Variants in SSTR4 observed in about 807,000 individuals in gnomAD.
The protein encoded by SSTR4 is somatostatin receptor type 4.
For synonymous variants in SSTR4, 272 were observed against 246.3 expected (o/e 1.10, Z -0.98); for missense variants, 649 against 540.6 (o/e 1.20, Z -1.99).
In SSTR4 at chr20:23,036,676, G is replaced by A. The variant is rs558670863; in HGVS notation, c.*26G>A. The A allele has an allele frequency of 3.1e-4, 472 of 1,524,004 alleles. 3 individuals are homozygous for A. In the South Asian group the frequency reaches 5.1e-3, roughly 16 times the overall value. 94.4% of individuals were successfully genotyped at this position (1,524,004 alleles called of 1,614,324 possible). A position where few individuals can be genotyped will look rare whatever the true frequency, so the allele number is the denominator to read the frequency against. ...GGAGCCCTTCCCCTACCCACCCTGC[G>A]TGGCCACCTCCCAAGGGGTGGGCAC... On this transcript the variant is annotated 3_prime_UTR_variant, in exon 1 of 1. Transcript: ENST00000255008.
Position 23,036,555 on chromosome 20 carries a change from G to A in SSTR4, c.1072G>A (p.Gly358Arg). The A allele has an allele frequency of 6.2e-7, 1 of 1,611,548 alleles. No individual in the cohort carries two copies. The highest frequency in any genetic ancestry group is 8.5e-7 in the Non-Finnish European group (1 of 1,179,076). Residue 358 changes from glycine (G) to arginine (R), a missense_variant, in exon 1 of 1, where the codon GGG (glycine) becomes AGG (arginine). By Grantham distance (125) the Gly-to-Arg change is moderately radical. Coordinates refer to ENST00000255008, the MANE Select transcript of SSTR4 (RefSeq NM_001052.4). ...TGCTCTCAAGAGCAAAGGTGGGGCA[G>A]GGTGCATGTGCCCCCCACTCCCCTG... ...ATALKSKGGA[G>R]CMCPPLPCQQ...
chr20:23,036,411 C>A lies in SSTR4; in HGVS notation c.928C>A (p.Leu310Ile), dbSNP rs1984325774. The change falls in exon 1 of 1, where the codon CTC (leucine) becomes ATC (isoleucine). Residue 310 changes from leucine (L) to isoleucine (I), a missense_variant. Physicochemically the swap from Leu to Ile is conservative, Grantham distance 5. Coordinates refer to ENST00000255008, the MANE Select transcript of SSTR4 (RefSeq NM_001052.4). ...SYANSCANPI[L>I]YGFLSDNFRR... Reference sequence around the variant, plus strand: ...TGCCAACAGCTGCGCCAACCCCATTCTCTATGGCTTCCTCTCCGACAACTT... The same window carrying A: ...TGCCAACAGCTGCGCCAACCCCATTATCTATGGCTTCCTCTCCGACAACTT... The A allele has an allele frequency of 6.2e-7, 1 of 1,613,988 alleles. No homozygotes were observed. Among genetic ancestry groups the A allele is most frequent in the African/African-American group, 1.3e-5 (1 of 74,932 alleles).
rs1600405238 is a variant in SSTR4 at position 23,036,896 on chromosome 20, C to A, written c.*246C>A. The A allele has an allele frequency of 2.2e-6, 1 of 457,294 alleles. No homozygotes were observed. Among genetic ancestry groups the A allele is most frequent in the African/African-American group, 2.0e-5 (1 of 50,586 alleles). 28.3% of individuals were successfully genotyped at this position (457,294 alleles called of 1,614,324 possible). ...CTGGAAACTGGGCTAGGATATTAAT[C>A]ATTCCTGAACCTCTGGCTGTTCTTC... On this transcript the variant is annotated 3_prime_UTR_variant, in exon 1 of 1. Coordinates refer to ENST00000255008, the MANE Select transcript of SSTR4 (RefSeq NM_001052.4).
chr20:23,036,117 G>C lies in SSTR4; in HGVS notation c.634G>C (p.Val212Leu). Residue 212 changes from valine to leucine, a missense_variant, in exon 1 of 1, where the codon GTG becomes CTG. Transcript: ENST00000255008. The stretch of plus-strand genomic sequence containing the variant: ...ACACCCGGCCTGGTCGGCAGTCTTC[G>C]TGGTCTACACTTTCCTGCTGGGCTT... ...WPHPAWSAVF[V>L]VYTFLLGFLL... 2 of 1,603,730 alleles carry C rather than the reference G, an allele frequency of 1.2e-6. No individual in the cohort carries two copies. Among genetic ancestry groups the C allele is most frequent in the Middle Eastern group, 1.7e-4 (1 of 6,058 alleles).
chr20:23,036,571 C>T lies in SSTR4; in HGVS notation c.1088C>T (p.Pro363Leu), dbSNP rs768040949. ...GGTGGGGCAGGGTGCATGTGCCCCC[C>T]ACTCCCCTGCCAGCAGGAAGCCCTG... ...SKGGAGCMCPPLPCQQEALQP... is the reference protein window; with the variant it reads ...SKGGAGCMCPLLPCQQEALQP... The change falls in exon 1 of 1, where the codon CCA (proline) becomes CTA (leucine). Residue 363 changes from proline (P) to leucine (L), a missense_variant. Coordinates refer to ENST00000255008, the MANE Select transcript of SSTR4 (RefSeq NM_001052.4). The T allele has an allele frequency of 1.0e-5, 16 of 1,605,466 alleles. No homozygotes were observed. The highest frequency in any genetic ancestry group is 1.3e-5 in the Non-Finnish European group (15 of 1,176,194).
Position 23,035,684 on chromosome 20 carries a change from G to C in SSTR4, c.201G>C (p.Leu67=). 3 of 1,551,574 alleles carry C rather than the reference G, an allele frequency of 1.9e-6. No homozygotes were observed. The highest frequency in any genetic ancestry group is 2.6e-6 in the Non-Finnish European group (3 of 1,149,446). The part of the protein sequence containing the change: ...VCLVGLVGNA[L]VIFVILRYAK... ...TGGTGGGGCTGGTGGGCAACGCCCTGGTCATCTTCGTGATCCTTCGCTACG... is the reference window on the plus strand; with the variant it reads ...TGGTGGGGCTGGTGGGCAACGCCCTCGTCATCTTCGTGATCCTTCGCTACG... The change falls in exon 1 of 1, where the codon CTG becomes CTC. Residue 67 remains leucine (L), a synonymous_variant. Coordinates refer to ENST00000255008, the MANE Select transcript of SSTR4 (RefSeq NM_001052.4).
In SSTR4 at chr20:23,035,505, C is replaced by G. The variant is rs760675794; in HGVS notation, c.22C>G (p.Pro8Ala). 7 of 1,555,786 alleles carry G rather than the reference C, an allele frequency of 4.5e-6. No homozygotes were observed. Among genetic ancestry groups the G allele is most frequent in the Non-Finnish European group, 6.0e-6 (7 of 1,157,500 alleles). MSAPSTLPPGGEEGLGTA... is the reference protein window; with the variant it reads MSAPSTLAPGGEEGLGTA... ...GGTCATGAGCGCCCCCTCGACGCTG[C>G]CCCCCGGGGGCGAGGAAGGGCTGGG... The change falls in exon 1 of 1, where the codon CCC becomes GCC. Residue 8 changes from proline (P) to alanine (A), a missense_variant. Coordinates refer to ENST00000255008, the MANE Select transcript of SSTR4 (RefSeq NM_001052.4).
Position 23,035,375 on chromosome 20 carries a change from A to T in SSTR4, c.-109A>T, listed in dbSNP as rs1169765313. On this transcript the variant is annotated 5_prime_UTR_variant, in exon 1 of 1. Coordinates refer to ENST00000255008, the MANE Select transcript of SSTR4 (RefSeq NM_001052.4). ...CCCGCAGCTCTTCAGCGTAGCCGGG[A>T]AGAGCCGCGCGTCTGCGCGCCAGCC... The T allele has an allele frequency of 1.2e-6, 1 of 845,948 alleles. No homozygotes were observed. Among genetic ancestry groups the T allele is most frequent in the Non-Finnish European group, 1.6e-6 (1 of 643,878 alleles). 52.4% of individuals were successfully genotyped at this position (845,948 alleles called of 1,614,324 possible). A position where few individuals can be genotyped will look rare whatever the true frequency, so the allele number is the denominator to read the frequency against.
chr20:23,036,672 C>T lies in SSTR4; in HGVS notation c.*22C>T. On this transcript the variant is annotated 3_prime_UTR_variant, in exon 1 of 1. Coordinates refer to ENST00000255008, the MANE Select transcript of SSTR4 (RefSeq NM_001052.4). ...CTGAGGAGCCCTTCCCCTACCCACCCTGCGTGGCCACCTCCCAAGGGGTGG... is the reference window on the plus strand; with the variant it reads ...CTGAGGAGCCCTTCCCCTACCCACCTTGCGTGGCCACCTCCCAAGGGGTGG... 6.6e-7 allele frequency: 1 copy of T among 1,524,768 alleles called. No individual in the cohort carries two copies. Among genetic ancestry groups the T allele is most frequent in the African/African-American group, 1.4e-5 (1 of 72,052 alleles). The allele number at this position is 1,524,768 out of a possible 1,614,324, so 94.5% of individuals were successfully genotyped here. A position where few individuals can be genotyped will look rare whatever the true frequency, so the allele number is the denominator to read the frequency against.
Position 23,037,908 on chromosome 20 carries a change from G to T in SSTR4, c.*1258G>T, listed in dbSNP as rs1393306777. On this transcript the variant is annotated 3_prime_UTR_variant, in exon 1 of 1. Coordinates refer to ENST00000255008, the MANE Select transcript of SSTR4 (RefSeq NM_001052.4). ...ATGGGGAAGATGGTGTGGGGAGGGG[G>T]AGAGACAGCCAAAGGTCAACACCCT... Among the ~76,000 whole-genome samples, 1 of 152,142 alleles carries T rather than the reference G, an allele frequency of 6.6e-6. No individual in the cohort carries two copies. Among genetic ancestry groups the T allele is most frequent in the Non-Finnish European group, 1.5e-5 (1 of 68,010 alleles).
rs1308852006 is a variant in SSTR4, at chr20:23,035,414, C to A, written c.-70C>A. ...TGCGCGCCAGCCCCCGCCCTGGGCC[C>A]GCCGCCCGAGCTCTCTGGCGCAGCG... On this transcript the variant is annotated 5_prime_UTR_variant, in exon 1 of 1. Transcript: ENST00000255008. The A allele has an allele frequency of 5.9e-6, 7 of 1,183,740 alleles. No homozygotes were observed. The highest frequency in any genetic ancestry group is 1.6e-5 in the African/African-American group (1 of 62,908). 73.3% of individuals were successfully genotyped at this position (1,183,740 alleles called of 1,614,324 possible).
In SSTR4 at chr20:23,036,757, C is replaced by A. The variant is rs1984341000; in HGVS notation, c.*107C>A. The A allele has an allele frequency of 3.9e-6, 5 of 1,289,814 alleles. No individual in the cohort carries two copies. In the African/African-American group the frequency reaches 7.5e-5, roughly 19 times the overall value. 79.9% of individuals were successfully genotyped at this position (1,289,814 alleles called of 1,614,324 possible). On this transcript the variant is annotated 3_prime_UTR_variant, in exon 1 of 1. Coordinates refer to ENST00000255008, the MANE Select transcript of SSTR4 (RefSeq NM_001052.4). ...TGAATGCTCACCTAAGCTCCACCAC[C>A]TGTTCCTTCCAGCAGCCCATGTACC...
chr20:23,036,520 A>T lies in SSTR4; in HGVS notation c.1037A>T (p.Tyr346Phe). ...AGGAEEEPLD[Y>F]YATALKSKGG... ...GGTGCTGAGGAGGAGCCCCTGGACT[A>T]CTATGCCACTGCTCTCAAGAGCAAA... is the stretch of plus-strand genomic sequence containing the variant. Residue 346 changes from tyrosine to phenylalanine, a missense_variant, in exon 1 of 1, where the codon TAC becomes TTC. Physicochemically the swap from Tyr to Phe is conservative, Grantham distance 22 (BLOSUM62 3). Coordinates refer to ENST00000255008, the MANE Select transcript of SSTR4 (RefSeq NM_001052.4). The T allele has an allele frequency of 6.2e-7, 1 of 1,613,664 alleles. No homozygotes were observed. Among genetic ancestry groups the T allele is most frequent in the Non-Finnish European group, 8.5e-7 (1 of 1,179,866 alleles).
Position 23,035,618 on chromosome 20 carries a change from G to C in SSTR4, c.135G>C (p.Ala45=), listed in dbSNP as rs778240615. The C allele has an allele frequency of 2.6e-6, 4 of 1,544,362 alleles. No homozygotes were observed. The highest frequency in any genetic ancestry group is 2.3e-5 in the East Asian group (1 of 42,912). The change falls in exon 1 of 1, where the codon GCG becomes GCC. Residue 45 remains alanine (A), a synonymous_variant. Transcript: ENST00000255008. ...CGGGGCCCGGGGACGCGCGGGCGGCGGGCATGGTCGCTATCCAGTGCATCT... is the reference window on the plus strand; with the variant it reads ...CGGGGCCCGGGGACGCGCGGGCGGCCGGCATGGTCGCTATCCAGTGCATCT... ...AVAGPGDARA[A]GMVAIQCIYA... is the part of the protein sequence containing the mutation.
chr20:23,036,393 A>C lies in SSTR4; in HGVS notation c.910A>C (p.Ser304Arg). The C allele has an allele frequency of 1.2e-6, 2 of 1,614,102 alleles. No individual in the cohort carries two copies. Residue 304 changes from serine to arginine, a missense_variant, in exon 1 of 1, where the codon AGC (serine) becomes CGC (arginine). Coordinates refer to ENST00000255008, the MANE Select transcript of SSTR4 (RefSeq NM_001052.4). ...HVSLILSYAN[S>R]CANPILYGFL... ...GTCCCTTATCCTTAGCTATGCCAAC[A>C]GCTGCGCCAACCCCATTCTCTATGG...
chr20:23,038,613 G>A lies in SSTR4; in HGVS notation c.*1963G>A, dbSNP rs948587375. ...AGGACACCTCAGCCTCAGCTACCCC[G>A]TGAGCAGTGATTTAACCTCTCTAAG... On this transcript the variant is annotated 3_prime_UTR_variant, in exon 1 of 1. Transcript: ENST00000255008. Among the ~76,000 whole-genome samples the A allele has an allele frequency of 3.3e-5, 5 of 152,186 alleles. No individual in the cohort carries two copies. Among genetic ancestry groups the A allele is most frequent in the Middle Eastern group, 3.2e-3 (1 of 316 alleles).
Position 23,035,857 on chromosome 20 carries a change from T to C in SSTR4, c.374T>C (p.Val125Ala), listed in dbSNP as rs573971447. 1.2e-6 allele frequency: 2 copies of C among 1,607,390 alleles called. No homozygotes were observed. Among genetic ancestry groups the C allele is most frequent in the South Asian group, 1.1e-5 (1 of 89,910 alleles). ...GSVLCRAVLS[V>A]DGLNMFTSVF... ...GTGCTGTGCCGCGCGGTGCTCAGCG[T>C]CGACGGCCTCAACATGTTCACCAGC... is the stretch of plus-strand genomic sequence containing the variant. The change falls in exon 1 of 1, where the codon GTC becomes GCC. Residue 125 changes from valine (V) to alanine (A), a missense_variant. By Grantham distance (64) the Val-to-Ala change is moderately conservative (BLOSUM62 0). Coordinates refer to ENST00000255008, the MANE Select transcript of SSTR4 (RefSeq NM_001052.4).
Position 23,039,204 on chromosome 20 carries a change from TC to T in SSTR4, c.*2555del, listed in dbSNP as rs1337287951. 6.6e-6 allele frequency: 1 copy of T among 152,240 alleles called. No homozygotes were observed. The highest frequency in any genetic ancestry group is 1.5e-5 in the Non-Finnish European group (1 of 68,048). The allele number at this position is 152,240 out of a possible 1,614,324, so 9.4% of individuals were successfully genotyped here. A position where few individuals can be genotyped will look rare whatever the true frequency, so the allele number is the denominator to read the frequency against. On this transcript the variant is annotated 3_prime_UTR_variant, in exon 1 of 1. Coordinates refer to ENST00000255008, the MANE Select transcript of SSTR4 (RefSeq NM_001052.4). The stretch of plus-strand genomic sequence containing the variant: ...AGACCAGGAGTCACAGCTGTTGACA[TC>T]ATGGTGAATAAAAACATTTTCTGCC...
chr20:23,036,189 G>A lies in SSTR4; in HGVS notation c.706G>A (p.Gly236Ser). ...AIGLCYLLIV[G>S]KMRAVALRAG... ...TGGCCTGTGCTACCTGCTCATCGTG[G>A]GCAAGATGCGCGCCGTGGCCCTGCG... is the stretch of plus-strand genomic sequence containing the variant. The change falls in exon 1 of 1, where the codon GGC (glycine) becomes AGC (serine). Residue 236 changes from glycine to serine, a missense_variant. Transcript: ENST00000255008. The A allele has an allele frequency of 1.9e-6, 3 of 1,612,096 alleles. No homozygotes were observed. The highest frequency in any genetic ancestry group is 1.1e-5 in the South Asian group (1 of 91,002).
Sources: gnomAD v4.1 joint callset for allele counts (sites outside exome capture counted in the v4.1 genomes callset) on GRCh38, gnomAD v4.1.1 for gene constraint, MANE v1.5 for transcripts, NCBI Gene and HGNC (gene_info 2026-07-23, HGNC 2026-07-21) for gene names.